Variants in CTBP2 observed in about 807,000 individuals in gnomAD.
The protein encoded by CTBP2 is C-terminal-binding protein 2.
In CTBP2, 30 loss-of-function variants were observed where a neutral mutation model predicts 80.3. The observed-to-expected ratio is 0.37, with a 90% CI of 0.28 to 0.51. The LOEUF is 0.51. Ranked by LOEUF, CTBP2 falls within the 20% of genes least tolerant of loss-of-function variation. CTBP2 has a pLI of 0.93. For synonymous variants in CTBP2, 594 were observed against 587.4 expected (o/e 1.01, Z -0.16); for missense variants, 1,212 against 1,375.3 (o/e 0.88, Z 1.88).
At chr10:125,110,968 G>A (rs962301922) in intron 2 of CTBP2, 22 bp downstream of exon 2, 1 of 152,566 alleles carries the variant, frequency 6.6e-6, no homozygotes, top group South Asian at 2.1e-4. Context: ...CTTTTACCTG[G>A]AGATATTTCA....
At chr10:125,030,564 C>A (rs1958069629), upstream of CTBP2, among the ~76,000 whole-genome samples, 1 of 152,218 alleles carries the variant, frequency 6.6e-6, no homozygotes, top group African/African-American at 2.4e-5. Flanking sequence ...ATTTCATGTT[C>A]CCATTGGAAT....
intron 1 of CTBP2, among the ~76,000 whole-genome samples, chr10:125,141,847 T>G (rs955899554): frequency 2.6e-5 from 4 of 152,128 alleles, no homozygotes; most frequent in African/African-American, 7.2e-5. Flanking sequence ...TGCACACGGT[T>G]AGCACACTGC....
intron 1 of CTBP2, among the ~76,000 whole-genome samples, chr10:125,116,257 A>G (rs1229740921): frequency 6.6e-6 from 1 of 152,220 alleles, no homozygotes; most frequent in Admixed American, 6.5e-5. Flanking sequence ...CGCCTCACGT[A>G]GAGACGGGTA....
intron 4 of CTBP2, chr10:124,996,048 G>GTTTTTTTTTTT (rs34886360): frequency 1.5e-5 from 2 of 131,334 alleles, no homozygotes; most frequent in Admixed American, 7.4e-5. Context: ...CTATTTCTTT[G>GTTTTTTTTTTT]TTTTTTTTTT....
At chr10:125,028,090 T>C (rs1957839854), upstream of CTBP2, 1 of 281,802 alleles carries the variant, frequency 3.5e-6, no homozygotes, top group East Asian at 8.0e-5. Flanking sequence ...CAGGGCTCTC[T>C]CAGCATGCGG....
In CTBP2 at chr10:124,984,993, A is replaced by G; in HGVS notation, c.*4525T>C. On this transcript the variant is annotated 3_prime_UTR_variant, in exon 9 of 9. Coordinates refer to ENST00000309035, the MANE Select transcript of CTBP2 (RefSeq NM_022802.3). ...AGATGAGGATGATGAAGATGAATGA[A>G]AAAAAAAATCAAACAGCAGAAGACC... The G allele has an allele frequency of 6.2e-7, 1 of 1,605,466 alleles. No individual in the cohort carries two copies. The highest frequency in any genetic ancestry group is 8.5e-7 in the Non-Finnish European group (1 of 1,174,494).
At position 124,998,316 on chromosome 10, in the gene CTBP2, C is replaced by T. The variant is rs780804678; in HGVS notation, c.1979-146G>A. ...CGTCTAGCAGACGCGGGGCTGGGCACGTGGGCGGTAGGCCCTCTGGCTCTG... is the reference window on the plus strand; with the variant it reads ...CGTCTAGCAGACGCGGGGCTGGGCATGTGGGCGGTAGGCCCTCTGGCTCTG... On this transcript the variant is annotated intron_variant, in intron 3 of 8. Transcript: ENST00000309035. 1,095 of 859,146 alleles carry T rather than the reference C, an allele frequency of 1.3e-3. 8 individuals carry two copies. Among genetic ancestry groups the T allele is most frequent in the Non-Finnish European group, 1.7e-3 (953 of 557,092 alleles). The allele number at this position is 859,146 out of a possible 1,614,324, so 53.2% of individuals were successfully genotyped here.
chr10:125,087,151 T>C (rs1175463004), intron 2 of CTBP2, among the ~76,000 whole-genome samples: 2 of 151,078 alleles, frequency 1.3e-5, no homozygotes, highest in African/African-American at 4.9e-5. Context: ...CTCAGCTCCC[T>C]GCAACTTCCA....
At chr10:125,023,205 G>C (rs1957223670) in intron 1 of CTBP2, among the ~76,000 whole-genome samples, 1 of 152,180 alleles carries the variant, frequency 6.6e-6, no homozygotes, top group Non-Finnish European at 1.5e-5. Context: ...TAATCCAGTT[G>C]CATCAAGAAA....
chr10:125,065,197 G>A (rs1488181391), intron 2 of CTBP2, among the ~76,000 whole-genome samples: 1 of 152,182 alleles, frequency 6.6e-6, no homozygotes, highest in South Asian at 2.1e-4. Context: ...GGGCTCTTCA[G>A]GTTCCAGTCT....
intron 2 of CTBP2, among the ~76,000 whole-genome samples, chr10:125,084,489 G>C (rs866926979): frequency 6.6e-6 from 1 of 152,166 alleles, no homozygotes; most frequent in African/African-American, 2.4e-5. Context: ...CTACCAGTCC[G>C]GAGGCTCCCG....
At chr10:125,070,911 C>T (rs1845379522) in intron 2 of CTBP2, among the ~76,000 whole-genome samples, 1 of 152,270 alleles carries the variant, frequency 6.6e-6, no homozygotes, top group East Asian at 1.9e-4. Context: ...ATTACGGGTG[C>T]GAGCCACCAT....
chr10:125,151,920 G>A (rs1859990130), intron 1 of CTBP2, among the ~76,000 whole-genome samples: 1 of 152,208 alleles, frequency 6.6e-6, no homozygotes, highest in Non-Finnish European at 1.5e-5. Flanking sequence ...CACGGAGCGG[G>A]GGGAGGGGGC....
At chr10:125,154,402 C>T (rs984514346) in intron 1 of CTBP2, among the ~76,000 whole-genome samples, 9 of 152,126 alleles carry the variant, frequency 5.9e-5, no homozygotes, top group South Asian at 2.1e-4. Context: ...TTGGGAAAAA[C>T]GAAGTCTCTA....
At chr10:125,123,103 T>C (rs1254698) in intron 1 of CTBP2, among the ~76,000 whole-genome samples, 22,618 of 152,190 alleles carry the variant, frequency 0.15, 1,859 homozygotes, top group East Asian at 0.32. Context: ...ACTCCAGAAC[T>C]TTCTTTGAGC....
At chr10:125,037,819 C>G (rs777881633) in intron 3 of CTBP2, among the ~76,000 whole-genome samples, 24 of 152,092 alleles carry the variant, frequency 1.6e-4, no homozygotes, top group Non-Finnish European at 3.2e-4. Flanking sequence ...AAGTGCTGCC[C>G]CTGAATTTTT....
intron 1 of CTBP2, among the ~76,000 whole-genome samples, chr10:125,125,786 G>A (rs924207098): frequency 7.2e-5 from 11 of 152,194 alleles, no homozygotes; most frequent in Non-Finnish European, 1.6e-4. Context: ...AGCAAAAACA[G>A]CAGAAAGCTC....
chr10:125,141,418 C>A (rs1857796436), intron 1 of CTBP2, among the ~76,000 whole-genome samples: 1 of 152,182 alleles, frequency 6.6e-6, no homozygotes, highest in Non-Finnish European at 1.5e-5. Flanking sequence ...AGCCTCGGGG[C>A]AGCTGACCTT....
At chr10:125,124,978 A>C (rs1004009173) in intron 1 of CTBP2, among the ~76,000 whole-genome samples, 1 of 152,146 alleles carries the variant, frequency 6.6e-6, no homozygotes, top group African/African-American at 2.4e-5. Context: ...CTCCTGATAG[A>C]TATGTACAGA....
Sources: allele counts gnomAD v4.1 joint callset (sites outside exome capture counted in the v4.1 genomes callset), GRCh38; gene constraint gnomAD v4.1.1; transcripts MANE v1.5; gene names NCBI Gene and HGNC (gene_info 2026-07-23, HGNC 2026-07-21).